The following MTA3 variants were observed in gnomAD, a reference collection of about 807,000 sequenced individuals.
MTA3 encodes metastasis associated 1 family member 3, also known as metastasis-associated protein MTA3.
Under a neutral mutation model 83.5 loss-of-function variants are expected in MTA3, and 34 were observed. The ratio of observed to expected loss-of-function variants is 0.41; its 90% CI spans 0.31 to 0.54. The LOEUF (loss-of-function observed/expected upper bound fraction) is 0.54. Ranked by LOEUF, MTA3 falls within the 20% of genes least tolerant of loss-of-function variation. The pLI is 0.33. For missense variants in MTA3, 761 were observed against 726.4 expected, an observed-to-expected ratio of 1.05 and a Z score of -0.55; for synonymous variants, 303 against 252.7, an observed-to-expected ratio of 1.20 and a Z score of -1.89.
chr2:42,709,647 ATATT>A (rs1279818045), intron 14 of MTA3: 1 of 152,348 alleles, frequency 6.6e-6, no homozygotes, highest in African/African-American at 2.4e-5. Flanking sequence ...AACAAATACT[ATATT>A]TATTAGAAGG....
rs771294118 is a variant in MTA3 at position 42,682,395 on chromosome 2, C to T, written c.703-6C>T. The T allele has an allele frequency of 6.4e-7, 1 of 1,558,634 alleles. No homozygotes were observed. Among genetic ancestry groups the T allele is most frequent in the South Asian group, 1.2e-5 (1 of 82,346 alleles). Reference sequence around the variant, plus strand: ...TTGATATTTTCTGTTCATTTTGTTTCTTTAGTTTCACGCTATGGATACATT... The same window carrying T: ...TTGATATTTTCTGTTCATTTTGTTTTTTTAGTTTCACGCTATGGATACATT... On this transcript the variant is annotated splice_region_variant and splice_polypyrimidine_tract_variant and intron_variant, in intron 8 of 16. Transcript: ENST00000405094.
chr2:42,642,322 G>A (rs941595076), intron 5 of MTA3, among the ~76,000 whole-genome samples: 2 of 151,836 alleles, frequency 1.3e-5, no homozygotes, highest in Non-Finnish European at 1.5e-5. Context: ...ATGCTAATAG[G>A]TTTTACAGAT....
intron 2 of MTA3, among the ~76,000 whole-genome samples, chr2:42,572,193 G>T (rs1210540247): frequency 2.0e-5 from 3 of 151,474 alleles, no homozygotes; most frequent in East Asian, 3.9e-4. Context: ...GCAGGAGAAT[G>T]GGGTGAACCT....
intron 4 of MTA3, among the ~76,000 whole-genome samples, chr2:42,639,688 G>A (rs1048730375): frequency 5.3e-5 from 8 of 152,160 alleles, no homozygotes; most frequent in Non-Finnish European, 1.2e-4. Context: ...GTTATATCCT[G>A]ATATGAATGT....
rs934284991 is a variant in MTA3 at position 42,755,747 on chromosome 2, G to C, written c.*2348G>C. ...CCCTTTCTGGGGCCATGGTGTCCCT[G>C]CTGTGTGTCAGTGGCATGTCACTGT... On this transcript the variant is annotated 3_prime_UTR_variant, in exon 17 of 17. Coordinates refer to ENST00000405094, the MANE Select transcript of MTA3 (RefSeq NM_001330442.2). 8.7e-5 allele frequency: 86 copies of C among 985,596 alleles called. No homozygotes were observed. Among genetic ancestry groups the C allele is most frequent in the Middle Eastern group, 5.2e-4 (1 of 1,938 alleles). 61.1% of individuals were successfully genotyped at this position (985,596 alleles called of 1,614,324 possible).
At chr2:42,713,532 A>G (rs942461395) in intron 14 of MTA3, among the ~76,000 whole-genome samples, 3 of 152,178 alleles carry the variant, frequency 2.0e-5, no homozygotes, top group African/African-American at 7.2e-5. Context: ...ATTTTTCTAA[A>G]GGTACAAAAG....
chr2:42,688,442 G>A (rs1472469156), intron 9 of MTA3, among the ~76,000 whole-genome samples: 1 of 152,022 alleles, frequency 6.6e-6, no homozygotes, highest in Non-Finnish European at 1.5e-5. Context: ...ATTTCATTTC[G>A]GTTTTAATTT....
intron 4 of MTA3, among the ~76,000 whole-genome samples, chr2:42,611,793 G>A (rs1020339006): frequency 6.6e-6 from 1 of 152,136 alleles, no homozygotes; most frequent in Middle Eastern, 3.4e-3. Context: ...CTAGCCTGGG[G>A]GACAGAGTGA....
At chr2:42,495,231 G>T (rs1236505006) in exon 2 of MTA3, 1 of 152,368 alleles carries the variant, frequency 6.6e-6, no homozygotes, top group African/African-American at 2.4e-5. Context: ...TGGATTCCTA[G>T]TGAAAAGGCA....
exon 1 of MTA3, chr2:42,494,666 G>A (rs145754632): frequency 0.028 from 4,304 of 152,400 alleles, 79 homozygotes; most frequent in Non-Finnish European, 0.043. Context: ...GGCGCCTAAC[G>A]TGTAGCGCGC....
rs149961190 is a variant in MTA3, at chr2:42,694,222, G to A, written c.892-1543G>A. The stretch of plus-strand genomic sequence containing the variant: ...CCCCTGAGCTGTACTGCCTAGGTTT[G>A]GGAGAGGGGTGGTGCAATCACTCCT... On this transcript the variant is annotated intron_variant, in intron 9 of 16. Coordinates refer to ENST00000405094, the MANE Select transcript of MTA3 (RefSeq NM_001330442.2). Among the ~76,000 whole-genome samples the A allele has an allele frequency of 3.6e-3, 542 of 152,278 alleles. 2 individuals carry two copies. Among genetic ancestry groups the A allele is most frequent in the African/African-American group, 0.012 (511 of 41,552 alleles).
chr2:42,594,728 A>ATATATATATATATTT, intron 3 of MTA3, among the ~76,000 whole-genome samples: 6 of 24,040 alleles, frequency 2.5e-4, no homozygotes, highest in African/African-American at 6.7e-4. Context: ...ATATATATAT[A>ATATATATATATATTT]TTTTTTTTTT....
intron 8 of MTA3, among the ~76,000 whole-genome samples, chr2:42,682,129 G>A (rs1691988878): frequency 6.6e-6 from 1 of 151,998 alleles, no homozygotes. Flanking sequence ...GATTGCTTGA[G>A]CCCAGAAGGT....
chr2:42,750,830 G>C (rs1669820139), intron 16 of MTA3, among the ~76,000 whole-genome samples: 1 of 151,864 alleles, frequency 6.6e-6, no homozygotes, highest in African/African-American at 2.4e-5. Flanking sequence ...CTGGTGGGAC[G>C]TAGACAGTTG....
upstream of MTA3, among the ~76,000 whole-genome samples, chr2:42,566,057 C>A (rs1677898392): frequency 6.6e-6 from 1 of 152,022 alleles, no homozygotes. Context: ...AGGTATCAAC[C>A]AGTAGTCATA....
At chr2:42,730,708 C>A (rs887839095) in intron 16 of MTA3, among the ~76,000 whole-genome samples, 1 of 152,182 alleles carries the variant, frequency 6.6e-6, no homozygotes, top group Non-Finnish European at 1.5e-5. Context: ...CAGAGTAATA[C>A]TGGCCTTGCA....
At chr2:42,556,116 G>C (rs1352549712) in intron 2 of MTA3, among the ~76,000 whole-genome samples, 1 of 151,518 alleles carries the variant, frequency 6.6e-6, no homozygotes, top group Non-Finnish European at 1.5e-5. Context: ...AACAAAAAAA[G>C]AGAGAAAAGG....
At chr2:42,697,056 T>G (rs1346024441) in intron 10 of MTA3, among the ~76,000 whole-genome samples, 1 of 152,234 alleles carries the variant, frequency 6.6e-6, no homozygotes, top group East Asian at 1.9e-4. Context: ...TTCTCCTCAT[T>G]GGGAAAATAG....
rs368453697 is a variant in MTA3 at position 42,560,841 on chromosome 2, A to T, written c.-140-9596A>T. On this transcript the variant is annotated intron_variant, in intron 2 of 17. Transcript: ENST00000405592. ...AGAATCATCTGAACCTGGGAGGTGG[A>T]GGTTGCAGTGAGCTGAGATCTAGCC... 4.6e-5 allele frequency among the ~76,000 whole-genome samples: 7 copies of T among 152,186 alleles called. No individual in the cohort carries two copies. The East Asian group carries it at 9.6e-4, about 21-fold the overall frequency.
Sources: allele counts gnomAD v4.1 joint callset (sites outside exome capture counted in the v4.1 genomes callset), GRCh38; gene constraint gnomAD v4.1.1; transcripts MANE v1.5; gene names NCBI Gene and HGNC (gene_info 2026-07-23, HGNC 2026-07-21).